OR1I1: variants seen among roughly 807,000 people sequenced by gnomAD.
The protein encoded by OR1I1 is olfactory receptor family 1 subfamily I member 1, also known as olfactory receptor 1I1.
For missense variants in OR1I1, 451 were observed against 443.6 expected, an observed-to-expected ratio of 1.02 and a Z score of -0.15; for synonymous variants, 171 against 181.4, an observed-to-expected ratio of 0.94 and a Z score of 0.46.
rs1227773572 is a variant in OR1I1 at position 15,088,837 on chromosome 19, A to G, written c.*704A>G. The G allele has an allele frequency of 1.3e-5, 2 of 151,918 alleles. No individual in the cohort carries two copies. The highest frequency in any genetic ancestry group is 4.8e-5 in the African/African-American group (2 of 41,290). The allele number at this position is 151,918 out of a possible 1,614,324, so 9.4% of individuals were successfully genotyped here. On this transcript the variant is annotated 3_prime_UTR_variant, in exon 2 of 2. Transcript: ENST00000641398. ...GATAGATAGATATACAGATAGATAC[A>G]TAGATAGATAGGATAGATAGGTAGG...
At chr19:15,084,388 T>C (rs2046220582) in intron 1 of OR1I1, among the ~76,000 whole-genome samples, 1 of 152,082 alleles carries the variant, frequency 6.6e-6, no homozygotes, top group Non-Finnish European at 1.5e-5. Context: ...TGAAACCCCA[T>C]CTCTACTAAA....
rs538257383 is a variant in OR1I1, at chr19:15,089,166, T to C, written c.*1033T>C. On this transcript the variant is annotated 3_prime_UTR_variant, in exon 2 of 2. Coordinates refer to ENST00000641398, the MANE Select transcript of OR1I1 (RefSeq NM_001004713.2). ...TGTTGTGGAAGAACTTTGAAAATAT[T>C]TGCAAGTGAGATTAGCTCACGTGCT... 2.0e-5 allele frequency: 3 copies of C among 152,268 alleles called. No individual in the cohort carries two copies. The highest frequency in any genetic ancestry group is 2.0e-4 in the Admixed American group (3 of 15,274). The allele number at this position is 152,268 out of a possible 1,614,324, so 9.4% of individuals were successfully genotyped here. A position where few individuals can be genotyped will look rare whatever the true frequency, so the allele number is the denominator to read the frequency against.
rs1274049210 is a variant in OR1I1, at chr19:15,089,137, T to A, written c.*1004T>A. 6.6e-6 allele frequency: 1 copy of A among 150,788 alleles called. No individual in the cohort carries two copies. The highest frequency in any genetic ancestry group is 1.5e-5 in the Non-Finnish European group (1 of 67,516). 9.3% of individuals were successfully genotyped at this position (150,788 alleles called of 1,614,324 possible). A position where few individuals can be genotyped will look rare whatever the true frequency, so the allele number is the denominator to read the frequency against. ...AGCCCATGTATTAGCCAGTGTTTCCTAAGTGTTGTGGAAGAACTTTGAAAA... is the reference window on the plus strand; with the variant it reads ...AGCCCATGTATTAGCCAGTGTTTCCAAAGTGTTGTGGAAGAACTTTGAAAA... On this transcript the variant is annotated 3_prime_UTR_variant, in exon 2 of 2. Coordinates refer to ENST00000641398, the MANE Select transcript of OR1I1 (RefSeq NM_001004713.2).
rs757508009 is a variant in OR1I1 at position 15,085,176 on chromosome 19, ATT to A, written c.-13-1867_-13-1866del. On this transcript the variant is annotated intron_variant, in intron 1 of 1. Transcript: ENST00000641398. ...TATATATATATATATATATATATAT[ATT>A]TTTTTTTTTGAGACAGAGTTTCGCT... Among the ~76,000 whole-genome samples the A allele has an allele frequency of 2.7e-3, 218 of 80,092 alleles. 4 individuals carry two copies. The highest frequency in any genetic ancestry group is 0.011 in the East Asian group (22 of 2,060). The allele number at this position is 80,092 out of a possible 152,430, so 52.5% of individuals were successfully genotyped here. A position where few individuals can be genotyped will look rare whatever the true frequency, so the allele number is the denominator to read the frequency against.
In OR1I1 at chr19:15,087,948, A is replaced by G. The variant is rs778961066; in HGVS notation, c.883A>G (p.Lys295Glu). 3 of 1,614,038 alleles carry G rather than the reference A, an allele frequency of 1.9e-6. No individual in the cohort carries two copies. The Admixed American group carries it at 5.0e-5, about 27-fold the overall frequency. ...LNPFIYSIRN[K>E]DMKAALGKLI... ...CCCCTTTATCTACAGCATACGGAAC[A>G]AGGATATGAAGGCAGCCCTGGGGAA... The change falls in exon 2 of 2, where the codon AAG (lysine) becomes GAG (glutamate). Residue 295 changes from lysine (K) to glutamate (E), a missense_variant. Transcript: ENST00000641398.
chr19:15,083,693 G>A (rs2046218063), intron 1 of OR1I1, among the ~76,000 whole-genome samples: 1 of 152,122 alleles, frequency 6.6e-6, no homozygotes, highest in South Asian at 2.1e-4. Flanking sequence ...GCTGGGCGCT[G>A]AAATGATGAG....
chr19:15,085,207 G>GT (rs1318657164), intron 1 of OR1I1, among the ~76,000 whole-genome samples: 1 of 110,388 alleles, frequency 9.1e-6, no homozygotes, highest in Non-Finnish European at 1.8e-5. Flanking sequence ...TTTCGCTCTT[G>GT]TTGCCAAGGC....
rs566710967 is a variant in OR1I1 at position 15,088,230 on chromosome 19, T to C, written c.*97T>C. On this transcript the variant is annotated 3_prime_UTR_variant, in exon 2 of 2. Coordinates refer to ENST00000641398, the MANE Select transcript of OR1I1 (RefSeq NM_001004713.2). ...TGTGCATTTTCCCCAGGATTTATCT[T>C]CCCCAAAAAGATCAGAATAGCAAGG... The C allele has an allele frequency of 2.0e-5, 29 of 1,419,688 alleles. No individual in the cohort carries two copies. In the East Asian group the frequency reaches 7.2e-4, roughly 35 times the overall value. The allele number at this position is 1,419,688 out of a possible 1,614,324, so 87.9% of individuals were successfully genotyped here.
intron 1 of OR1I1, among the ~76,000 whole-genome samples, chr19:15,085,187 T>TTTTTTTTA (rs2046225893): frequency 8.4e-6 from 1 of 119,188 alleles, no homozygotes; most frequent in Non-Finnish European, 1.7e-5. Flanking sequence ...TTTTTTTTTT[T>TTTTTTTTA]GAGACAGAGT....
rs1441138397 is a variant in OR1I1, at chr19:15,091,748, T to A, written c.*3615T>A. 1 of 142,220 alleles carries A rather than the reference T, an allele frequency of 7.0e-6. No homozygotes were observed. Among genetic ancestry groups the A allele is most frequent in the Non-Finnish European group, 1.5e-5 (1 of 67,314 alleles). 8.8% of individuals were successfully genotyped at this position (142,220 alleles called of 1,614,324 possible). ...GGGAGGCTGAGGCAGGAGAATGGCG[T>A]CAACCCGGGAGGCGGAGTTTGCGTG... On this transcript the variant is annotated 3_prime_UTR_variant, in exon 2 of 2. Coordinates refer to ENST00000641398, the MANE Select transcript of OR1I1 (RefSeq NM_001004713.2).
rs1250472073 is a variant in OR1I1 at position 15,089,551 on chromosome 19, A to T, written c.*1418A>T. ...AAAAGATACGTGGGAGGCCAGGCGC[A>T]GTGGCTCACACCTGTAAACTCTGGC... On this transcript the variant is annotated 3_prime_UTR_variant, in exon 2 of 2. Transcript: ENST00000641398. The T allele has an allele frequency of 1.3e-5, 2 of 152,232 alleles. No individual in the cohort carries two copies. Among genetic ancestry groups the T allele is most frequent in the African/African-American group, 4.8e-5 (2 of 41,458 alleles). The allele number at this position is 152,232 out of a possible 1,614,324, so 9.4% of individuals were successfully genotyped here. A position where few individuals can be genotyped will look rare whatever the true frequency, so the allele number is the denominator to read the frequency against.
At position 15,092,326 on chromosome 19, in the gene OR1I1, G is replaced by A. The variant is rs1157154712; in HGVS notation, c.*4193G>A. 6.6e-6 allele frequency: 1 copy of A among 152,260 alleles called. No individual in the cohort carries two copies. Among genetic ancestry groups the A allele is most frequent in the African/African-American group, 2.4e-5 (1 of 41,384 alleles). 9.4% of individuals were successfully genotyped at this position (152,260 alleles called of 1,614,324 possible). The stretch of plus-strand genomic sequence containing the variant: ...GAAGCTGGGTTTGCAGGGGGCCCGT[G>A]GAGGGCACTGGGAGTAACACGGTGT... On this transcript the variant is annotated 3_prime_UTR_variant, in exon 2 of 2. Coordinates refer to ENST00000641398, the MANE Select transcript of OR1I1 (RefSeq NM_001004713.2).
At chr19:15,085,170 ATATATAT>A (rs1349431819) in intron 1 of OR1I1, among the ~76,000 whole-genome samples, 9 of 19,336 alleles carry the variant, frequency 4.7e-4, no homozygotes, top group Non-Finnish European at 6.0e-4. Context: ...ATATATATAT[ATATATAT>A]TTTTTTTTTT....
chr19:15,082,475 A>G (rs1318011558), intron 1 of OR1I1, among the ~76,000 whole-genome samples, 199 bp downstream of exon 1: 1 of 151,784 alleles, frequency 6.6e-6, no homozygotes, highest in Non-Finnish European at 1.5e-5. Context: ...CTAGAGGCCG[A>G]GAGAGAGAGA....
chr19:15,082,445 G>C (rs928258352), intron 1 of OR1I1, among the ~76,000 whole-genome samples, 169 bp downstream of exon 1: 1 of 152,010 alleles, frequency 6.6e-6, no homozygotes. Context: ...AGGGTTGTGG[G>C]AGAGGAATCT....
rs1282843201 is a variant in OR1I1, at chr19:15,089,299, C to T, written c.*1166C>T. The T allele has an allele frequency of 6.6e-6, 1 of 152,172 alleles. No homozygotes were observed. Among genetic ancestry groups the T allele is most frequent in the African/African-American group, 2.4e-5 (1 of 41,438 alleles). 9.4% of individuals were successfully genotyped at this position (152,172 alleles called of 1,614,324 possible). On this transcript the variant is annotated 3_prime_UTR_variant, in exon 2 of 2. Coordinates refer to ENST00000641398, the MANE Select transcript of OR1I1 (RefSeq NM_001004713.2). ...ACTTTCTCAATTCCCAACAGGCTTC[C>T]TGTCTCCCCACAACCCCCAGTCAAG... is the stretch of plus-strand genomic sequence containing the variant.
Position 15,088,786 on chromosome 19 carries a change from T to TAGAC in OR1I1, c.*656_*657insCAGA, listed in dbSNP as rs2046243483. On this transcript the variant is annotated 3_prime_UTR_variant, in exon 2 of 2. Transcript: ENST00000641398. ...TAGATAAGATATGTAGATAGATAGA[T>TAGAC]AGATAGATAGATAGATAGATAGATA... 2 of 98,728 alleles carry TAGAC rather than the reference T, an allele frequency of 2.0e-5. No homozygotes were observed. The highest frequency in any genetic ancestry group is 4.0e-3 in the Middle Eastern group (1 of 250). The allele number at this position is 98,728 out of a possible 1,614,324, so 6.1% of individuals were successfully genotyped here. A position where few individuals can be genotyped will look rare whatever the true frequency, so the allele number is the denominator to read the frequency against.
chr19:15,091,434 C>G lies in OR1I1; in HGVS notation c.*3301C>G, dbSNP rs547999078. On this transcript the variant is annotated 3_prime_UTR_variant, in exon 2 of 2. Transcript: ENST00000641398. ...CAGAACTTTGGGAGGCTGAGGTGGG[C>G]GGATCATGAGGTCAGGAGATCAAGA... 4.6e-5 allele frequency: 7 copies of G among 152,126 alleles called. 1 individual carries two copies. The highest frequency in any genetic ancestry group is 4.6e-4 in the Admixed American group (7 of 15,272). The allele number at this position is 152,126 out of a possible 1,614,324, so 9.4% of individuals were successfully genotyped here.
At position 15,089,315 on chromosome 19, in the gene OR1I1, C is replaced by G. The variant is rs73008827; in HGVS notation, c.*1182C>G. On this transcript the variant is annotated 3_prime_UTR_variant, in exon 2 of 2. Transcript: ENST00000641398. ...ACAGGCTTCCTGTCTCCCCACAACC[C>G]CCAGTCAAGGGGACTCTGATGCAGA... is the stretch of plus-strand genomic sequence containing the variant. 2.0e-5 allele frequency: 3 copies of G among 151,968 alleles called. No individual in the cohort carries two copies. The South Asian group carries it at 6.2e-4, about 31-fold the overall frequency. 9.4% of individuals were successfully genotyped at this position (151,968 alleles called of 1,614,324 possible). A position where few individuals can be genotyped will look rare whatever the true frequency, so the allele number is the denominator to read the frequency against.
Sources: gnomAD v4.1 joint callset for allele counts (sites outside exome capture counted in the v4.1 genomes callset) on GRCh38, gnomAD v4.1.1 for gene constraint, MANE v1.5 for transcripts, NCBI Gene and HGNC (gene_info 2026-07-23, HGNC 2026-07-21) for gene names.